ARRDC5: variants seen among roughly 807,000 people sequenced by gnomAD.
ARRDC5 encodes the protein arrestin domain-containing protein 5.
Under a neutral mutation model 13.3 loss-of-function variants are expected in ARRDC5, and 12 were observed. The observed-to-expected ratio is 0.90, with a 90% CI of 0.58 to 1.46. The LOEUF is 1.46. Ranked by LOEUF, ARRDC5 falls within the 40% of genes most tolerant of loss-of-function variation. The pLI, the probability that ARRDC5 is intolerant of heterozygous loss-of-function variation, is 0.00. For missense variants in ARRDC5, 406 were observed against 418.7 expected, an observed-to-expected ratio of 0.97 and a Z score of 0.26; for synonymous variants, 181 against 173.4, an observed-to-expected ratio of 1.04 and a Z score of -0.34.
the ARRDC5 span, among the ~76,000 whole-genome samples, chr19:4,912,647 G>A: frequency 6.6e-6 from 1 of 152,100 alleles, no homozygotes; most frequent in Non-Finnish European, 1.5e-5. Flanking sequence ...CCATCTTTTT[G>A]GGATGCATTT....
At chr19:4,907,099 T>C (rs1363181115), upstream of ARRDC5, among the ~76,000 whole-genome samples, 2 of 152,210 alleles carry the variant, frequency 1.3e-5, no homozygotes, top group Non-Finnish European at 2.9e-5. Context: ...ACAAACTCAG[T>C]GGCTGCAAAA....
Position 4,896,358 on chromosome 19 carries a change from TTTTACAC to T in ARRDC5, c.459+306_459+312del, listed in dbSNP as rs1205769025. Among the ~76,000 whole-genome samples the T allele has an allele frequency of 3.1e-3, 261 of 84,638 alleles. 3 individuals are homozygous for T. Among genetic ancestry groups the T allele is most frequent in the African/African-American group, 8.2e-3 (161 of 19,610 alleles). The allele number at this position is 84,638 out of a possible 152,430, so 55.5% of individuals were successfully genotyped here. On this transcript the variant is annotated intron_variant, in intron 2 of 2. Transcript: ENST00000650722. ...TATATATATATATATATTTTTTTTT[TTTTACAC>T]ACACACACACACACACACACACACA...
chr19:4,907,161 G>A (rs935836947), upstream of ARRDC5, among the ~76,000 whole-genome samples: 1 of 152,236 alleles, frequency 6.6e-6, no homozygotes, highest in Admixed American at 6.5e-5. Context: ...CCAGGTGGGA[G>A]TACACTGGCT....
upstream of ARRDC5, among the ~76,000 whole-genome samples, chr19:4,904,045 C>T (rs1039774436): frequency 6.6e-6 from 1 of 152,006 alleles, no homozygotes; most frequent in Non-Finnish European, 1.5e-5. Context: ...GGCGTGATCT[C>T]GGCTCACTGC....
At chr19:4,906,524 C>T (rs182201913), upstream of ARRDC5, among the ~76,000 whole-genome samples, 5 of 152,180 alleles carry the variant, frequency 3.3e-5, no homozygotes, top group South Asian at 2.1e-4. Flanking sequence ...GAAGTCCAGG[C>T]GGGCAGATCA....
chr19:4,898,492 G>C (rs1010583260), intron 1 of ARRDC5, among the ~76,000 whole-genome samples: 1 of 152,018 alleles, frequency 6.6e-6, no homozygotes, highest in Non-Finnish European at 1.5e-5. Flanking sequence ...CTCCTGAGTA[G>C]CTGGAATTAC....
At chr19:4,907,192 C>T (rs1429541653), upstream of ARRDC5, among the ~76,000 whole-genome samples, 1 of 152,214 alleles carries the variant, frequency 6.6e-6, no homozygotes, top group Non-Finnish European at 1.5e-5. Context: ...TCACTGCAAC[C>T]TCCGTCTCCT....
the ARRDC5 span, chr19:4,909,589 G>C: frequency 4.6e-6 from 3 of 650,568 alleles, no homozygotes; most frequent in Non-Finnish European, 8.3e-6. Flanking sequence ...CCACGCACGC[G>C]GTTTCATCGC....
chr19:4,908,614 ATCT>A, the ARRDC5 span, among the ~76,000 whole-genome samples: 1 of 152,022 alleles, frequency 6.6e-6, no homozygotes, highest in African/African-American at 2.4e-5. Flanking sequence ...CTCAAATGTC[ATCT>A]TCTCTGAGAG....
chr19:4,913,841 C>T, the ARRDC5 span, among the ~76,000 whole-genome samples: 5 of 105,116 alleles, frequency 4.8e-5, no homozygotes, highest in South Asian at 3.3e-4. Context: ...GAGACAGTTT[C>T]GCTCTTATTG....
At chr19:4,907,723 T>C (rs1049816337), upstream of ARRDC5, among the ~76,000 whole-genome samples, 230 of 147,072 alleles carry the variant, frequency 1.6e-3, no homozygotes, top group Middle Eastern at 6.9e-3. Context: ...TTTTTTTTTT[T>C]TTTTTTGAGA....
In ARRDC5 at chr19:4,890,886, TAGGGAG is replaced by T. The variant is rs2031476549; in HGVS notation, c.*154_*159del. ...CATTCCAGGCATTCAGTGATAGTTC[TAGGGAG>T]GGGAGACACAGATACCTAAACCGCT... On this transcript the variant is annotated 3_prime_UTR_variant, in exon 3 of 3. Coordinates refer to ENST00000650722, the MANE Select transcript of ARRDC5 (RefSeq NM_001080523.3). 2 of 625,712 alleles carry T rather than the reference TAGGGAG, an allele frequency of 3.2e-6. No individual in the cohort carries two copies. Among genetic ancestry groups the T allele is most frequent in the Admixed American group, 3.0e-5 (1 of 33,254 alleles). The allele number at this position is 625,712 out of a possible 1,614,324, so 38.8% of individuals were successfully genotyped here. A position where few individuals can be genotyped will look rare whatever the true frequency, so the allele number is the denominator to read the frequency against.
At chr19:4,896,590 C>T in intron 2 of ARRDC5, 81 bp downstream of exon 2, 1 of 1,074,532 alleles carries the variant, frequency 9.3e-7, no homozygotes, top group Non-Finnish European at 1.4e-6. Context: ...GGGACCTTCT[C>T]TGTCCCCTGC....
chr19:4,896,775 A>C lies in ARRDC5; in HGVS notation c.355T>G (p.Phe119Val). 1 of 1,613,844 alleles carries C rather than the reference A, an allele frequency of 6.2e-7. No homozygotes were observed. The highest frequency in any genetic ancestry group is 8.5e-7 in the Non-Finnish European group (1 of 1,179,814). ...FTSKFGHVFY[F>V]VQASCMGREH... is the part of the protein sequence containing the mutation. Reference sequence around the variant, plus strand: ...CTGCCCATGCAGGAAGCTTGTACGAAATAGAAGACATGGCCAAATTTGCTG... The same window carrying C: ...CTGCCCATGCAGGAAGCTTGTACGACATAGAAGACATGGCCAAATTTGCTG... The change falls in exon 2 of 3, where the codon TTC (phenylalanine) becomes GTC (valine). Residue 119 changes from phenylalanine (F) to valine (V), a missense_variant. Transcript: ENST00000650722.
chr19:4,901,381 C>T (rs1008570592), intron 1 of ARRDC5, among the ~76,000 whole-genome samples: 8 of 151,942 alleles, frequency 5.3e-5, no homozygotes, highest in Admixed American at 1.3e-4. Context: ...TTTGGGAGGC[C>T]GAGGTGGGCG....
rs565313313 is a variant in ARRDC5, at chr19:4,891,350, C to T, written c.683G>A (p.Arg228Gln). ...AAGCTCGCTGCTGTCCAGCCGAGAC[C>T]GCCGCTCTGCACTGGGCGTGAAGCC... ...YEGFTPSAER[R>Q]SRLDSSELLR... Residue 228 changes from arginine to glutamine, a missense_variant, in exon 3 of 3, where the codon CGG (arginine) becomes CAG (glutamine). Transcript: ENST00000650722. The T allele has an allele frequency of 2.0e-5, 33 of 1,613,772 alleles. No homozygotes were observed. The highest frequency in any genetic ancestry group is 1.2e-4 in the African/African-American group (9 of 75,046).
chr19:4,890,673 C>T lies in ARRDC5; in HGVS notation c.*373G>A, dbSNP rs2031470564. On this transcript the variant is annotated 3_prime_UTR_variant, in exon 3 of 3. Transcript: ENST00000650722. Reference sequence around the variant, plus strand: ...CCACCCTCTCCACGCCAATAAGACTCTTCTCCCCCGATCCCCTGCAGTTGT... The same window carrying T: ...CCACCCTCTCCACGCCAATAAGACTTTTCTCCCCCGATCCCCTGCAGTTGT... 2 of 257,302 alleles carry T rather than the reference C, an allele frequency of 7.8e-6. No individual in the cohort carries two copies. The highest frequency in any genetic ancestry group is 1.5e-5 in the Non-Finnish European group (2 of 132,328). The allele number at this position is 257,302 out of a possible 1,614,324, so 15.9% of individuals were successfully genotyped here. A position where few individuals can be genotyped will look rare whatever the true frequency, so the allele number is the denominator to read the frequency against.
At chr19:4,902,959 G>T (rs537553461), upstream of ARRDC5, 429 of 1,348,088 alleles carry the variant, frequency 3.2e-4, no homozygotes, top group Non-Finnish European at 4.2e-4. Flanking sequence ...GACCCCAGTG[G>T]CCAGGAGGGG....
At chr19:4,914,876 G>T in the ARRDC5 span, among the ~76,000 whole-genome samples, 2 of 152,102 alleles carry the variant, frequency 1.3e-5, no homozygotes, top group Non-Finnish European at 2.9e-5. Context: ...AGGGCGGAGT[G>T]AGCCCTGTGC....
Sources: allele counts gnomAD v4.1 joint callset (sites outside exome capture counted in the v4.1 genomes callset), GRCh38; gene constraint gnomAD v4.1.1; transcripts MANE v1.5; gene names NCBI Gene and HGNC (gene_info 2026-07-23, HGNC 2026-07-21).